The following CAMK4 variants were observed in gnomAD, a reference collection of about 807,000 sequenced individuals.
CAMK4 encodes calcium/calmodulin dependent protein kinase IV, also known as calcium/calmodulin-dependent protein kinase type IV.
CAMK4 carries 22 observed loss-of-function variants against 44.9 expected under a neutral mutation model. The ratio of observed to expected loss-of-function variants is 0.49; its 90% CI spans 0.35 to 0.70. The LOEUF is 0.70. CAMK4 is among the 30% of genes least tolerant of loss of function. CAMK4 has a pLI of 0.01. For synonymous variants in CAMK4, 218 were observed against 215.4 expected, an observed-to-expected ratio of 1.01 and a Z score of -0.11; for missense variants, 498 against 586.8, an observed-to-expected ratio of 0.85 and a Z score of 1.56.
intron 4 of CAMK4, among the ~76,000 whole-genome samples, chr5:111,383,252 G>C (rs371708721): frequency 2.0e-5 from 3 of 152,182 alleles, no homozygotes; most frequent in African/African-American, 7.2e-5. Flanking sequence ...AAACGGATTT[G>C]GTTTTTAGAA....
At chr5:111,255,296 A>C (rs959431145) in intron 1 of CAMK4, among the ~76,000 whole-genome samples, 14 of 152,164 alleles carry the variant, frequency 9.2e-5, no homozygotes, top group African/African-American at 3.4e-4. Flanking sequence ...CACTTTGGTG[A>C]GCTATGAATG....
chr5:111,329,723 A>G (rs888585988), intron 1 of CAMK4, among the ~76,000 whole-genome samples: 1 of 151,788 alleles, frequency 6.6e-6, no homozygotes, highest in African/African-American at 2.4e-5. Flanking sequence ...TTAATGAGAA[A>G]AAATCATACA....
intron 5 of CAMK4, among the ~76,000 whole-genome samples, chr5:111,429,328 C>A (rs1753346086): frequency 6.6e-6 from 1 of 152,024 alleles, no homozygotes; most frequent in South Asian, 2.1e-4. Flanking sequence ...TACAGAAATT[C>A]AAAGGTAATT....
At chr5:111,367,976 C>T (rs1338879767) in intron 2 of CAMK4, among the ~76,000 whole-genome samples, 1 of 152,038 alleles carries the variant, frequency 6.6e-6, no homozygotes, top group African/African-American at 2.4e-5. Flanking sequence ...CTGCATTTCC[C>T]TTTTTCCTCA....
At chr5:111,265,059 A>G (rs1350876690) in intron 1 of CAMK4, among the ~76,000 whole-genome samples, 2 of 151,614 alleles carry the variant, frequency 1.3e-5, no homozygotes, top group African/African-American at 2.4e-5. Flanking sequence ...TGATGACTTC[A>G]GGTAATTATA....
At chr5:111,390,433 A>G (rs1227063445) in intron 4 of CAMK4, among the ~76,000 whole-genome samples, 2 of 152,156 alleles carry the variant, frequency 1.3e-5, no homozygotes, top group East Asian at 1.9e-4. Flanking sequence ...TTTAAATTCA[A>G]CTTTTAATAC....
chr5:111,467,776 C>G (rs1754895522), intron 7 of CAMK4, among the ~76,000 whole-genome samples: 2 of 152,270 alleles, frequency 1.3e-5, no homozygotes, highest in Non-Finnish European at 2.9e-5. Flanking sequence ...AGTACAACCA[C>G]TATGGAAAAC....
At chr5:111,448,507 C>G (rs961409254) in intron 6 of CAMK4, among the ~76,000 whole-genome samples, 2 of 152,192 alleles carry the variant, frequency 1.3e-5, no homozygotes, top group Non-Finnish European at 2.9e-5. Context: ...GCAACTATTA[C>G]TTTAAGAAAA....
chr5:111,335,739 G>A (rs867253926), intron 1 of CAMK4, among the ~76,000 whole-genome samples: 1 of 151,224 alleles, frequency 6.6e-6, no homozygotes, highest in South Asian at 2.1e-4. Context: ...GCAGTGCCAG[G>A]TATCAACATC....
chr5:111,424,532 C>T (rs1259481845), intron 5 of CAMK4, among the ~76,000 whole-genome samples: 2 of 147,776 alleles, frequency 1.4e-5, no homozygotes, highest in African/African-American at 2.5e-5. Context: ...GCAAGCTCCG[C>T]CTCCTGAGTT....
intron 2 of CAMK4, among the ~76,000 whole-genome samples, chr5:111,369,288 C>T (rs1379251912): frequency 6.6e-6 from 1 of 152,020 alleles, no homozygotes; most frequent in East Asian, 1.9e-4. Flanking sequence ...TGGTCTCAAA[C>T]TCCTGGCTCC....
intron 5 of CAMK4, among the ~76,000 whole-genome samples, chr5:111,445,974 G>T (rs370939371): frequency 1.3e-5 from 2 of 152,280 alleles, no homozygotes; most frequent in East Asian, 3.9e-4. Context: ...AGGGAAATCA[G>T]GTAGGACTTC....
intron 5 of CAMK4, among the ~76,000 whole-genome samples, chr5:111,420,855 T>C (rs951499504): frequency 2.6e-5 from 4 of 152,234 alleles, no homozygotes; most frequent in African/African-American, 7.2e-5. Flanking sequence ...CTGTTCTTTT[T>C]TCAAGGTGCC....
At chr5:111,431,748 G>C (rs1164257716) in intron 5 of CAMK4, among the ~76,000 whole-genome samples, 2 of 152,016 alleles carry the variant, frequency 1.3e-5, no homozygotes, top group East Asian at 1.9e-4. Flanking sequence ...TGGCAAACAG[G>C]CATATGAAAA....
At chr5:111,236,167 T>C (rs1748709273) in intron 1 of CAMK4, among the ~76,000 whole-genome samples, 1 of 152,198 alleles carries the variant, frequency 6.6e-6, no homozygotes, top group Non-Finnish European at 1.5e-5. Flanking sequence ...AACTTAATAT[T>C]ATTCCCCACA....
At chr5:111,258,118 A>G (rs374772142) in intron 1 of CAMK4, among the ~76,000 whole-genome samples, 24 of 152,358 alleles carry the variant, frequency 1.6e-4, no homozygotes, top group East Asian at 1.2e-3. Flanking sequence ...ATGTTTACCT[A>G]TGTAACAAAC....
At chr5:111,265,980 G>A (rs535549437) in intron 1 of CAMK4, 2 of 152,238 alleles carry the variant, frequency 1.3e-5, no homozygotes, top group East Asian at 3.9e-4. Flanking sequence ...CTTGGTAGGT[G>A]GTGGGAGCCA....
At chr5:111,276,853 T>TA (rs2112594491) in intron 1 of CAMK4, among the ~76,000 whole-genome samples, 1 of 152,276 alleles carries the variant, frequency 6.6e-6, no homozygotes, top group South Asian at 2.1e-4. Context: ...CAAAAATTTT[T>TA]AAAAATATGA....
At chr5:111,231,104 A>C (rs571445768) in intron 1 of CAMK4, among the ~76,000 whole-genome samples, 12 of 152,290 alleles carry the variant, frequency 7.9e-5, no homozygotes, top group African/African-American at 2.9e-4. Flanking sequence ...TTTAATTAGG[A>C]AGTTAGGTCT....
Sources: gnomAD v4.1 joint callset for allele counts (sites outside exome capture counted in the v4.1 genomes callset) on GRCh38, gnomAD v4.1.1 for gene constraint, MANE v1.5 for transcripts, NCBI Gene and HGNC (gene_info 2026-07-23, HGNC 2026-07-21) for gene names.